The following KCNQ5 variants were observed in gnomAD, a reference collection of about 807,000 sequenced individuals.
The protein encoded by KCNQ5 is potassium voltage-gated channel subfamily KQT member 5.
KCNQ5 carries 30 observed loss-of-function variants against 98.2 expected under a neutral mutation model. The ratio of observed to expected loss-of-function variants is 0.31; its 90% CI spans 0.23 to 0.41. The LOEUF is 0.41. Among genes scored for constraint, KCNQ5 ranks in the 10% least tolerant of loss-of-function variants. KCNQ5 has a pLI of 1.00. For synonymous variants in KCNQ5, 458 were observed against 449.4 expected (o/e 1.02, Z -0.24); for missense variants, 835 against 1,182.5 (o/e 0.71, Z 4.31).
chr6:73,132,815 G>T (rs1031190212), intron 9 of KCNQ5, among the ~76,000 whole-genome samples: 2 of 152,136 alleles, frequency 1.3e-5, no homozygotes, highest in Non-Finnish European at 1.5e-5. Flanking sequence ...ATCTTGTGTG[G>T]TTTTCATCTC....
chr6:72,875,973 T>C (rs1316138006), intron 1 of KCNQ5, among the ~76,000 whole-genome samples: 1 of 152,046 alleles, frequency 6.6e-6, no homozygotes, highest in African/African-American at 2.4e-5. Context: ...GTTGTTTGTG[T>C]TACTTTTCTT....
At chr6:72,823,604 C>G (rs1775856817) in intron 1 of KCNQ5, among the ~76,000 whole-genome samples, 1 of 152,100 alleles carries the variant, frequency 6.6e-6, no homozygotes, top group Non-Finnish European at 1.5e-5. Context: ...GAAGGGAGAC[C>G]TGCAAGTTGT....
Position 72,912,376 on chromosome 6 carries a change from C to G in KCNQ5, c.399-91532C>G, listed in dbSNP as rs957652261. On this transcript the variant is annotated intron_variant, in intron 1 of 13. Coordinates refer to ENST00000370398, the MANE Select transcript of KCNQ5 (RefSeq NM_019842.4). ...ACTTCCACTAGAGAATAAAGCTTTT[C>G]ACCTTCTTGTTAATCCAGGGTCCTC... Among the ~76,000 whole-genome samples the G allele has an allele frequency of 2.0e-5, 3 of 152,204 alleles. No individual in the cohort carries two copies. The South Asian group carries it at 6.2e-4, about 32-fold the overall frequency.
chr6:72,870,000 CCA>C, intron 1 of KCNQ5, among the ~76,000 whole-genome samples: 1 of 152,200 alleles, frequency 6.6e-6, no homozygotes, highest in Non-Finnish European at 1.5e-5. Flanking sequence ...ATTGAAAAGT[CCA>C]CACCACTAAA....
At chr6:72,661,999 C>T (rs1255294450) in intron 1 of KCNQ5, among the ~76,000 whole-genome samples, 1 of 152,080 alleles carries the variant, frequency 6.6e-6, no homozygotes, top group African/African-American at 2.4e-5. Flanking sequence ...CATGCTTTCC[C>T]ATACAACCCA....
chr6:72,972,852 A>G (rs1164470417), intron 1 of KCNQ5, among the ~76,000 whole-genome samples: 2 of 151,858 alleles, frequency 1.3e-5, no homozygotes, highest in Non-Finnish European at 2.9e-5. Context: ...TTTTTATTTC[A>G]TCACCTACAT....
intron 1 of KCNQ5, among the ~76,000 whole-genome samples, chr6:72,645,217 A>AG (rs960644838): frequency 6.8e-6 from 1 of 146,656 alleles, no homozygotes; most frequent in Non-Finnish European, 1.5e-5. Flanking sequence ...AAAAAAACAA[A>AG]AAAAAACAAA....
At chr6:72,781,309 A>G (rs1005907122) in intron 1 of KCNQ5, among the ~76,000 whole-genome samples, 2 of 152,204 alleles carry the variant, frequency 1.3e-5, no homozygotes, top group African/African-American at 4.8e-5. Flanking sequence ...GAGTCTTCAT[A>G]GGGAGCATGG....
intron 11 of KCNQ5, among the ~76,000 whole-genome samples, chr6:73,170,566 C>CCAAAA (rs1491195305): frequency 7.3e-6 from 1 of 136,754 alleles, no homozygotes; most frequent in Non-Finnish European, 1.6e-5. Context: ...AACTATATTG[C>CCAAAA]AAAAAAAAAA....
At chr6:72,690,606 A>C (rs1300568781) in intron 1 of KCNQ5, among the ~76,000 whole-genome samples, 1 of 152,174 alleles carries the variant, frequency 6.6e-6, no homozygotes, top group East Asian at 1.9e-4. Context: ...GAAGAGGCAA[A>C]GCCTGTGAAG....
intron 1 of KCNQ5, among the ~76,000 whole-genome samples, chr6:72,802,919 G>A (rs1008514743): frequency 5.3e-5 from 8 of 152,120 alleles, no homozygotes; most frequent in African/African-American, 9.6e-5. Context: ...GAATTATAAC[G>A]TCATCATTGT....
chr6:72,648,502 A>T (rs897310910), intron 1 of KCNQ5, among the ~76,000 whole-genome samples: 2 of 152,150 alleles, frequency 1.3e-5, no homozygotes, highest in East Asian at 3.9e-4. Context: ...AAACATTTTT[A>T]TAGTGTGAGA....
chr6:73,067,644 TAA>T (rs1296211152), intron 3 of KCNQ5, among the ~76,000 whole-genome samples: 2 of 152,110 alleles, frequency 1.3e-5, no homozygotes, highest in African/African-American at 4.8e-5. Context: ...AACAATGAAA[TAA>T]AGTCTGTGTA....
At chr6:73,130,150 A>C (rs1020104316) in intron 9 of KCNQ5, among the ~76,000 whole-genome samples, 8 of 152,248 alleles carry the variant, frequency 5.3e-5, no homozygotes, top group African/African-American at 1.7e-4. Context: ...GTTATGGCTC[A>C]GTTGCCATAT....
intron 2 of KCNQ5, 77 bp downstream of exon 2, chr6:73,004,075 C>T: frequency 2.6e-6 from 2 of 765,218 alleles, no homozygotes; most frequent in Non-Finnish European, 4.3e-6. Flanking sequence ...TGCATCTTAT[C>T]CTACAAAAAA....
In KCNQ5 at chr6:72,622,682, G is replaced by T; in HGVS notation, c.398+95G>T. Reference sequence around the variant, plus strand: ...CGCGCTCGCGCCCTTGGGCCCCCGCGCGCGTGCACACGTGGTGGCTTTTAT... The same window carrying T: ...CGCGCTCGCGCCCTTGGGCCCCCGCTCGCGTGCACACGTGGTGGCTTTTAT... On this transcript the variant is annotated intron_variant, in intron 1 of 13. Transcript: ENST00000370398. The surrounding 1 kb of genome is among the most constrained non-coding windows in gnomAD (Gnocchi z 6.0). 1.0e-5 allele frequency: 14 copies of T among 1,394,714 alleles called. No individual in the cohort carries two copies. The highest frequency in any genetic ancestry group is 1.4e-5 in the Non-Finnish European group (14 of 1,015,560). 86.4% of individuals were successfully genotyped at this position (1,394,714 alleles called of 1,614,324 possible).
chr6:73,161,346 T>A (rs1208144791), intron 10 of KCNQ5, among the ~76,000 whole-genome samples: 1 of 152,054 alleles, frequency 6.6e-6, no homozygotes, highest in Non-Finnish European at 1.5e-5. Context: ...TGAAGAGAGG[T>A]TAATTAATGG....
chr6:73,098,060 A>C (rs75787750), intron 5 of KCNQ5, among the ~76,000 whole-genome samples: 3,766 of 152,224 alleles, frequency 0.025, 232 homozygotes, highest in Admixed American at 0.13. Context: ...TTATCAGATA[A>C]ATTTAACAAA....
At chr6:72,818,726 AATAATT>A (rs1202325707) in intron 1 of KCNQ5, among the ~76,000 whole-genome samples, 1 of 151,266 alleles carries the variant, frequency 6.6e-6, no homozygotes, top group Non-Finnish European at 1.5e-5. Flanking sequence ...ATGATTCTTT[AATAATT>A]ATAAAGTATG....
Sources: allele counts gnomAD v4.1 joint callset (sites outside exome capture counted in the v4.1 genomes callset), GRCh38; gene constraint gnomAD v4.1.1; non-coding constraint Gnocchi (gnomAD v3.1); transcripts MANE v1.5; gene names NCBI Gene and HGNC (gene_info 2026-07-23, HGNC 2026-07-21).